PLA2G15: variants seen among roughly 807,000 people sequenced by gnomAD.
PLA2G15 encodes phospholipase A2 group XV, also known as lysosomal phospholipase A and acyltransferase.
Under a neutral mutation model 40.9 loss-of-function variants are expected in PLA2G15, and 20 were observed. The observed-to-expected ratio is 0.49, with a 90% CI of 0.34 to 0.71. The LOEUF is 0.71. PLA2G15 is among the 30% of genes least tolerant of loss of function. The pLI is 0.01. For synonymous variants in PLA2G15, 223 were observed against 228.2 expected, an observed-to-expected ratio of 0.98 and a Z score of 0.21; for missense variants, 471 against 541.9, an observed-to-expected ratio of 0.87 and a Z score of 1.30.
At chr16:68,254,526 G>C (rs377598141) in intron 2 of PLA2G15, 25 of 167,880 alleles carry the variant, frequency 1.5e-4, no homozygotes, top group African/African-American at 5.5e-4. Context: ...CTTTAGTAGA[G>C]ATGGGGTTTC....
chr16:68,257,026 G>A (rs984949143), intron 5 of PLA2G15, among the ~76,000 whole-genome samples: 17 of 151,670 alleles, frequency 1.1e-4, no homozygotes, highest in East Asian at 5.8e-4. Context: ...GACTACAGGC[G>A]CGTACCACCA....
rs772012811 is a variant in PLA2G15, at chr16:68,255,351, G to C, written c.473G>C (p.Gly158Ala). 1.2e-6 allele frequency: 2 copies of C among 1,613,292 alleles called. No individual in the cohort carries two copies. The highest frequency in any genetic ancestry group is 4.5e-5 in the East Asian group (2 of 44,874). Reference protein sequence around the residue: ...WGYTRGEDVRGAPYDWRRAPN... With the variant: ...WGYTRGEDVRAAPYDWRRAPN... ...TACACACGGGGTGAGGATGTCCGAGGGGCTCCCTATGACTGGCGCCGAGCC... is the reference window on the plus strand; with the variant it reads ...TACACACGGGGTGAGGATGTCCGAGCGGCTCCCTATGACTGGCGCCGAGCC... Residue 158 changes from glycine (G) to alanine (A), a missense_variant, in exon 4 of 6, where the codon GGG becomes GCG. Physicochemically the swap from Gly to Ala is moderately conservative, Grantham distance 60. Coordinates refer to ENST00000219345, the MANE Select transcript of PLA2G15 (RefSeq NM_012320.4). This position sits in a 1 kb window ranked among gnomAD's most constrained non-coding sequence, Gnocchi z 5.9.
rs1379532103 is a variant in PLA2G15, at chr16:68,251,525, C to T, written c.284+2079C>T. Among the ~76,000 whole-genome samples the T allele has an allele frequency of 2.0e-5, 3 of 151,860 alleles. 1 individual carries two copies. The highest frequency in any genetic ancestry group is 4.4e-5 in the Non-Finnish European group (3 of 67,964). On this transcript the variant is annotated intron_variant, in intron 2 of 5. Transcript: ENST00000219345. ...TGAAACCCTGTCTCTACTAAAAATG[C>T]AAAAATTAAGGCCGGGCATGGTGGC... is the stretch of plus-strand genomic sequence containing the variant.
chr16:68,255,249 ATCTTT>A lies in PLA2G15; in HGVS notation c.404-28_404-24del. 1 of 1,510,074 alleles carries A rather than the reference ATCTTT, an allele frequency of 6.6e-7. No individual in the cohort carries two copies. The allele number at this position is 1,510,074 out of a possible 1,614,324, so 93.5% of individuals were successfully genotyped here. On this transcript the variant is annotated intron_variant, in intron 3 of 5. Transcript: ENST00000219345. The surrounding 1 kb of genome is among the most constrained non-coding windows in gnomAD (Gnocchi z 5.9). ...AGTGTAGGTGGCCGGCACTAGCTGT[ATCTTT>A]TCTTATCCTCTGTATTTCTGTCTAC... is the stretch of plus-strand genomic sequence containing the variant.
chr16:68,251,711 T>G (rs1432375690), intron 2 of PLA2G15, among the ~76,000 whole-genome samples: 1 of 150,516 alleles, frequency 6.6e-6, no homozygotes, highest in African/African-American at 2.5e-5. Context: ...AATACAAAAA[T>G]GAGCCGGGCG....
At chr16:68,249,916 G>A (rs1049746904) in intron 2 of PLA2G15, among the ~76,000 whole-genome samples, 1 of 152,214 alleles carries the variant, frequency 6.6e-6, no homozygotes, top group African/African-American at 2.4e-5. Context: ...CTGAGCTCAA[G>A]TGTTCTGCCC....
chr16:68,254,082 G>A (rs2042379776), intron 2 of PLA2G15, among the ~76,000 whole-genome samples: 1 of 152,104 alleles, frequency 6.6e-6, no homozygotes, highest in Non-Finnish European at 1.5e-5. Flanking sequence ...TGGAGCGATG[G>A]AAAGCTGAAA....
intron 5 of PLA2G15, 56 bp downstream of exon 5, chr16:68,256,046 T>G: frequency 8.5e-7 from 1 of 1,179,344 alleles, no homozygotes; most frequent in Non-Finnish European, 1.2e-6. Flanking sequence ...CTGCCCTCTC[T>G]TCCCTTCCTA....
Position 68,260,005 on chromosome 16 carries a change from T to G in PLA2G15, c.*348T>G. ...CCCTATTCCTGTGGGCTTTTCATAC[T>G]TGCCTACTGGGCCCTGGCCCCGCAG... On this transcript the variant is annotated 3_prime_UTR_variant, in exon 6 of 6. Transcript: ENST00000219345. The G allele has an allele frequency of 3.3e-6, 1 of 307,062 alleles. No homozygotes were observed. Among genetic ancestry groups the G allele is most frequent in the Non-Finnish European group, 6.2e-6 (1 of 161,822 alleles). 19.0% of individuals were successfully genotyped at this position (307,062 alleles called of 1,614,324 possible).
chr16:68,260,281 A>G lies in PLA2G15; in HGVS notation c.*624A>G, dbSNP rs1161984707. Reference sequence around the variant, plus strand: ...TTCTTCGTGGTTCCCAGGCCCTGGGACATCTCACTCCACTCCTACCTCCCT... The same window carrying G: ...TTCTTCGTGGTTCCCAGGCCCTGGGGCATCTCACTCCACTCCTACCTCCCT... On this transcript the variant is annotated 3_prime_UTR_variant, in exon 6 of 6. Coordinates refer to ENST00000219345, the MANE Select transcript of PLA2G15 (RefSeq NM_012320.4). 6.5e-6 allele frequency: 1 copy of G among 153,930 alleles called. No individual in the cohort carries two copies. The highest frequency in any genetic ancestry group is 1.4e-5 in the Non-Finnish European group (1 of 69,074). 9.5% of individuals were successfully genotyped at this position (153,930 alleles called of 1,614,324 possible).
chr16:68,252,607 G>C, intron 2 of PLA2G15: 1 of 456,036 alleles, frequency 2.2e-6, no homozygotes, highest in South Asian at 1.5e-5. Flanking sequence ...TGCAGCTACA[G>C]AAACTATGAG....
chr16:68,247,165 G>A (rs962527314), intron 1 of PLA2G15, among the ~76,000 whole-genome samples: 2 of 152,102 alleles, frequency 1.3e-5, no homozygotes, highest in African/African-American at 2.4e-5. Context: ...GAGACCTCAC[G>A]GTGGGCAGTT....
chr16:68,259,833 A>G lies in PLA2G15; in HGVS notation c.*176A>G. The G allele has an allele frequency of 1.6e-6, 1 of 626,654 alleles. No individual in the cohort carries two copies. The highest frequency in any genetic ancestry group is 2.8e-6 in the Non-Finnish European group (1 of 361,072). 38.8% of individuals were successfully genotyped at this position (626,654 alleles called of 1,614,324 possible). On this transcript the variant is annotated 3_prime_UTR_variant, in exon 6 of 6. Coordinates refer to ENST00000219345, the MANE Select transcript of PLA2G15 (RefSeq NM_012320.4). The surrounding 1 kb of genome is among the most constrained non-coding windows in gnomAD (Gnocchi z 6.5). ...TTGTTATCCTTTCTCTGTGGCAGTG[A>G]AGAAGGAAGAAATGAGAGTCTAGAC...
rs2042393153 is a variant in PLA2G15, at chr16:68,255,483, C to T, written c.502+103C>T. ...GCTCTCCCCTTGTCCTTGGCTGTCTCCTGTCCCTGGGCCTCTGGCATCCAG... is the reference window on the plus strand; with the variant it reads ...GCTCTCCCCTTGTCCTTGGCTGTCTTCTGTCCCTGGGCCTCTGGCATCCAG... On this transcript the variant is annotated intron_variant, in intron 4 of 5. Transcript: ENST00000219345. This position sits in a 1 kb window ranked among gnomAD's most constrained non-coding sequence, Gnocchi z 5.9. 1 of 781,224 alleles carries T rather than the reference C, an allele frequency of 1.3e-6. No individual in the cohort carries two copies. Among genetic ancestry groups the T allele is most frequent in the African/African-American group, 1.7e-5 (1 of 57,360 alleles). 48.4% of individuals were successfully genotyped at this position (781,224 alleles called of 1,614,324 possible).
In PLA2G15 at chr16:68,259,791, C is replaced by T. The variant is rs1295053431; in HGVS notation, c.*134C>T. On this transcript the variant is annotated 3_prime_UTR_variant, in exon 6 of 6. Coordinates refer to ENST00000219345, the MANE Select transcript of PLA2G15 (RefSeq NM_012320.4). The surrounding 1 kb of genome is among the most constrained non-coding windows in gnomAD (Gnocchi z 6.5). ...CGAGTCTTGGACTGTGAAGCATCTG[C>T]CATGGGGAAGTGCTGTTTGTTATCC... 2.6e-6 allele frequency: 2 copies of T among 759,342 alleles called. No individual in the cohort carries two copies. Among genetic ancestry groups the T allele is most frequent in the Admixed American group, 2.8e-5 (1 of 35,830 alleles). 47.0% of individuals were successfully genotyped at this position (759,342 alleles called of 1,614,324 possible).
In PLA2G15 at chr16:68,255,970, C is replaced by T. The variant is rs1482408410; in HGVS notation, c.707C>T (p.Thr236Ile). 6.2e-7 allele frequency: 1 copy of T among 1,605,474 alleles called. No individual in the cohort carries two copies. The highest frequency in any genetic ancestry group is 8.5e-7 in the Non-Finnish European group (1 of 1,175,118). The change falls in exon 5 of 6, where the codon ACC (threonine) becomes ATC (isoleucine). Residue 236 changes from threonine to isoleucine, a missense_variant. By Grantham distance (89) the Thr-to-Ile change is moderately conservative. Coordinates refer to ENST00000219345, the MANE Select transcript of PLA2G15 (RefSeq NM_012320.4). This position sits in a 1 kb window ranked among gnomAD's most constrained non-coding sequence, Gnocchi z 5.9. ...GCGCCCTGGGGGGGCGTGGCCAAGA[C>T]CCTGCGCGTCCTGGCTTCAGGTAAG... is the stretch of plus-strand genomic sequence containing the variant. ...LGAPWGGVAK[T>I]LRVLASGDNN...
rs2042388179 is a variant in PLA2G15, at chr16:68,254,952, G to A, written c.318G>A (p.Gln106=). 1 of 1,613,788 alleles carries A rather than the reference G, an allele frequency of 6.2e-7. No individual in the cohort carries two copies. Among genetic ancestry groups the A allele is most frequent in the African/African-American group, 1.3e-5 (1 of 74,902 alleles). The change falls in exon 3 of 6, where the codon CAG becomes CAA. Residue 106 remains glutamine, a synonymous_variant. Coordinates refer to ENST00000219345, the MANE Select transcript of PLA2G15 (RefSeq NM_012320.4). ...LVYNKTSRAT[Q]FPDGVDVRVP... ...ACAACAAAACATCCAGGGCCACCCA[G>A]TTTCCTGATGGTGTGGATGTACGTG...
intron 2 of PLA2G15, among the ~76,000 whole-genome samples, chr16:68,250,028 C>A (rs943079646): frequency 6.6e-6 from 1 of 151,960 alleles, no homozygotes; most frequent in African/African-American, 2.4e-5. Flanking sequence ...CGGCATGGCC[C>A]CCACCCCTTT....
intron 1 of PLA2G15, chr16:68,248,301 C>T (rs2042326726): frequency 2.0e-5 from 3 of 152,322 alleles, no homozygotes; most frequent in Admixed American, 1.3e-4. Context: ...CCTTCTTCCT[C>T]TCTCAGGGCG....
Sources: allele counts gnomAD v4.1 joint callset (sites outside exome capture counted in the v4.1 genomes callset), GRCh38; gene constraint gnomAD v4.1.1; non-coding constraint Gnocchi (gnomAD v3.1); transcripts MANE v1.5; gene names NCBI Gene and HGNC (gene_info 2026-07-23, HGNC 2026-07-21).